The following STYK1 variants were observed in gnomAD, a reference collection of about 807,000 sequenced individuals.
The protein encoded by STYK1 is STY kinase 1, also known as tyrosine-protein kinase STYK1.
In STYK1, 46 loss-of-function variants were observed where a neutral mutation model predicts 48.1. The ratio of observed to expected loss-of-function variants is 0.96; its 90% CI spans 0.75 to 1.22. STYK1 has a LOEUF of 1.22. STYK1 is among the 50% of genes most tolerant of loss of function. The probability of loss-of-function intolerance (pLI) is 0.00; values close to 1 mark genes in which losing one functional copy is unlikely to be tolerated. For synonymous variants in STYK1, 188 were observed against 189.0 expected (o/e 0.99, Z 0.04); for missense variants, 527 against 521.1 (o/e 1.01, Z -0.11).
In STYK1 at chr12:10,634,062, T is replaced by C. The variant is rs755541966; in HGVS notation, c.115A>G (p.Ile39Val). The change falls in exon 4 of 11, where the codon ATC becomes GTC. Residue 39 changes from isoleucine to valine, a missense_variant. Physicochemically the swap from Ile to Val is conservative, Grantham distance 29. Transcript: ENST00000075503. Reference sequence around the variant, plus strand: ...AGCCACAGGATGACCCCAAGAAGGATGAGGAAGATAGTAACCAACAAAGTT... The same window carrying C: ...AGCCACAGGATGACCCCAAGAAGGACGAGGAAGATAGTAACCAACAAAGTT... ...VPTLLVTIFL[I>V]LLGVILWLFI... 23 of 1,614,024 alleles carry C rather than the reference T, an allele frequency of 1.4e-5. No individual in the cohort carries two copies. The highest frequency in any genetic ancestry group is 1.9e-5 in the Non-Finnish European group (22 of 1,180,026).
intron 1 of STYK1, among the ~76,000 whole-genome samples, chr12:10,666,698 A>C (rs767888941): frequency 1.3e-5 from 2 of 152,176 alleles, no homozygotes; most frequent in Non-Finnish European, 2.9e-5. Context: ...CGTGATAGGA[A>C]TAAGTTCTCA....
intron 1 of STYK1, among the ~76,000 whole-genome samples, chr12:10,667,673 T>C (rs1478320669): frequency 6.6e-6 from 1 of 152,144 alleles, no homozygotes; most frequent in African/African-American, 2.4e-5. Flanking sequence ...TTCCTTGTTG[T>C]CACTATGCCA....
At chr12:10,630,942 A>G in intron 5 of STYK1, 103 bp downstream of exon 5, 2 of 1,452,934 alleles carry the variant, frequency 1.4e-6, no homozygotes, top group South Asian at 1.3e-5. Flanking sequence ...TCTTCTGTAC[A>G]CAGTTATGAT....
intron 6 of STYK1, among the ~76,000 whole-genome samples, chr12:10,628,564 G>A (rs912279136): frequency 6.6e-6 from 1 of 152,170 alleles, no homozygotes; most frequent in African/African-American, 2.4e-5. Context: ...CAGGATGGAA[G>A]ACAATAACAG....
chr12:10,623,291 T>C (rs892441386), intron 8 of STYK1, among the ~76,000 whole-genome samples: 4 of 152,218 alleles, frequency 2.6e-5, no homozygotes, highest in African/African-American at 4.8e-5. Flanking sequence ...CAGATGTCTA[T>C]TGAAAAGCAG....
At chr12:10,663,741 G>A (rs1422790238) in intron 1 of STYK1, among the ~76,000 whole-genome samples, 3 of 144,956 alleles carry the variant, frequency 2.1e-5, no homozygotes, top group African/African-American at 7.6e-5. Flanking sequence ...GACCATTTCG[G>A]AAAAAAAAAA....
intron 1 of STYK1, among the ~76,000 whole-genome samples, chr12:10,664,233 C>T (rs1425060453): frequency 6.6e-6 from 1 of 152,132 alleles, no homozygotes; most frequent in Non-Finnish European, 1.5e-5. Context: ...TGACAGACCA[C>T]AAGGGATGAT....
chr12:10,627,835 A>T (rs2168748), intron 6 of STYK1, 111 bp from the exon 7 acceptor site: 506,444 of 841,164 alleles, frequency 0.6, 155,842 homozygotes, highest in East Asian at 0.77. Flanking sequence ...AGCTTTGAAA[A>T]ATATAAGGAC....
chr12:10,668,334 T>G (rs904976498), intron 1 of STYK1, among the ~76,000 whole-genome samples: 1 of 151,788 alleles, frequency 6.6e-6, no homozygotes, highest in African/African-American at 2.4e-5. Flanking sequence ...TGTCTGTCTG[T>G]GTAATTTGCT....
At chr12:10,667,799 T>G (rs537934930) in intron 1 of STYK1, among the ~76,000 whole-genome samples, 20 of 152,000 alleles carry the variant, frequency 1.3e-4, no homozygotes, top group African/African-American at 4.8e-4. Flanking sequence ...AAGGAAAGAG[T>G]GAGCATCAGG....
At chr12:10,642,318 A>G (rs936401950) in intron 1 of STYK1, among the ~76,000 whole-genome samples, 27 of 152,212 alleles carry the variant, frequency 1.8e-4, no homozygotes, top group African/African-American at 6.5e-4. Flanking sequence ...TCTCATTCCT[A>G]TCATTCATGA....
At chr12:10,629,715 A>G (rs1404943140) in intron 5 of STYK1, 41 bp from the exon 6 acceptor site, 2 of 1,611,500 alleles carry the variant, frequency 1.2e-6, no homozygotes, top group Non-Finnish European at 1.7e-6. Flanking sequence ...CAGTCAGAGC[A>G]TCCTCGATGA....
At chr12:10,641,421 C>G (rs138270643) in intron 1 of STYK1, among the ~76,000 whole-genome samples, 2 of 152,174 alleles carry the variant, frequency 1.3e-5, no homozygotes, top group East Asian at 1.9e-4. Flanking sequence ...AAGTCTCCCC[C>G]CATAAGTGAG....
chr12:10,669,538 A>G (rs891984411), intron 1 of STYK1, among the ~76,000 whole-genome samples: 2 of 152,226 alleles, frequency 1.3e-5, no homozygotes, highest in African/African-American at 4.8e-5. Flanking sequence ...ACTAGAAGAG[A>G]ACACAGAGAA....
chr12:10,662,408 T>C (rs1947786819), intron 1 of STYK1, among the ~76,000 whole-genome samples: 1 of 152,230 alleles, frequency 6.6e-6, no homozygotes, highest in African/African-American at 2.4e-5. Context: ...ATATGGTAAC[T>C]CTATGTTTAA....
intron 1 of STYK1, among the ~76,000 whole-genome samples, chr12:10,650,119 C>CAAAAAAAAAAAAAAAAAAAAAAAAAA: frequency 1.9e-5 from 1 of 51,312 alleles, no homozygotes; most frequent in African/African-American, 7.7e-5. Context: ...GACTCTGTCT[C>CAAAAAAAAAAAAAAAAAAAAAAAAAA]AAAAAAAAAA....
chr12:10,633,998 C>T lies in STYK1; in HGVS notation c.179G>A (p.Gly60Glu). Residue 60 changes from glycine (G) to glutamate (E), a missense_variant, in exon 4 of 11, where the codon GGA becomes GAA. By Grantham distance (98) the Gly-to-Glu change is moderately conservative (BLOSUM62 -2). Coordinates refer to ENST00000075503, the MANE Select transcript of STYK1 (RefSeq NM_018423.3). The part of the protein sequence containing the change: ...REQRTQQQRS[G>E]PQGIAPVPPP... ...CAAAGTTTGAGCTTTACCTTGAGGT[C>T]CAGAACGCTGCTGTTGAGTTCTTTG... 1.9e-6 allele frequency: 3 copies of T among 1,614,000 alleles called. No homozygotes were observed. The highest frequency in any genetic ancestry group is 2.5e-6 in the Non-Finnish European group (3 of 1,179,960).
At chr12:10,646,277 G>A (rs941137947) in intron 1 of STYK1, among the ~76,000 whole-genome samples, 2 of 152,222 alleles carry the variant, frequency 1.3e-5, no homozygotes, top group African/African-American at 4.8e-5. Context: ...CCAAAAGGCC[G>A]ATAATGATAT....
At chr12:10,651,764 C>T (rs1947665110) in intron 1 of STYK1, among the ~76,000 whole-genome samples, 1 of 152,348 alleles carries the variant, frequency 6.6e-6, no homozygotes, top group South Asian at 2.1e-4. Context: ...TATTTCCTGA[C>T]ACCTGACTTT....
Sources: gnomAD v4.1 joint callset for allele counts (sites outside exome capture counted in the v4.1 genomes callset) on GRCh38, gnomAD v4.1.1 for gene constraint, MANE v1.5 for transcripts, NCBI Gene and HGNC (gene_info 2026-07-23, HGNC 2026-07-21) for gene names.